Variants in METTL14 observed in about 807,000 individuals in gnomAD.
METTL14 encodes the protein N(6)-adenosine-methyltransferase non-catalytic subunit METTL14.
Under a neutral mutation model 62.4 loss-of-function variants are expected in METTL14, and 32 were observed. That is an observed-to-expected ratio of 0.51 (90% CI 0.39 to 0.69). The LOEUF (loss-of-function observed/expected upper bound fraction) is 0.69. Ranked by LOEUF, METTL14 falls within the 30% of genes least tolerant of loss-of-function variation. METTL14 has a pLI of 0.00. For missense variants in METTL14, 340 were observed against 551.9 expected (o/e 0.62, Z 3.85); for synonymous variants, 150 against 180.0 (o/e 0.83, Z 1.34).
intron 7 of METTL14, among the ~76,000 whole-genome samples, chr4:118,699,359 CTG>C (rs1212508076): frequency 1.3e-5 from 2 of 152,082 alleles, no homozygotes; most frequent in South Asian, 2.1e-4. Context: ...AAAGTGTTAT[CTG>C]TGTTTATTGT....
At chr4:118,706,014 C>G (rs1319723128) in intron 10 of METTL14, among the ~76,000 whole-genome samples, 193 bp downstream of exon 10, 3 of 152,132 alleles carry the variant, frequency 2.0e-5, no homozygotes, top group Admixed American at 1.3e-4. Flanking sequence ...ACCTGCTGCC[C>G]CCACACATGC....
At chr4:118,688,137 T>A in intron 2 of METTL14, 126 bp downstream of exon 2, 1 of 723,808 alleles carries the variant, frequency 1.4e-6, no homozygotes, top group Non-Finnish European at 2.3e-6. Flanking sequence ...TGGGCTCAAG[T>A]GGTACACCTG....
At chr4:118,699,538 A>G (rs991707658) in intron 7 of METTL14, among the ~76,000 whole-genome samples, 1 of 152,158 alleles carries the variant, frequency 6.6e-6, no homozygotes, top group East Asian at 1.9e-4. Flanking sequence ...TTAAAGTTGA[A>G]TATTAATATT....
In METTL14 at chr4:118,686,541, G is replaced by A. The variant is rs1724066166; in HGVS notation, c.66+941G>A. On this transcript the variant is annotated intron_variant, in intron 1 of 10. Transcript: ENST00000388822. ...CTGAAACCTATCCTCTTTATGGTCT[G>A]ATGAACAGATTTGTGGAATATGGCT... is the stretch of plus-strand genomic sequence containing the variant. 5 of 453,184 alleles carry A rather than the reference G, an allele frequency of 1.1e-5. No individual in the cohort carries two copies. In the Admixed American group the frequency reaches 1.2e-4, roughly 11 times the overall value. The allele number at this position is 453,184 out of a possible 1,614,324, so 28.1% of individuals were successfully genotyped here.
intron 6 of METTL14, among the ~76,000 whole-genome samples, chr4:118,696,580 A>AT (rs1724421063): frequency 6.6e-6 from 1 of 152,198 alleles, no homozygotes; most frequent in East Asian, 1.9e-4. Context: ...ACCCATTTAC[A>AT]TTTAAAGTAT....
intron 10 of METTL14, among the ~76,000 whole-genome samples, chr4:118,708,245 C>T (rs1223205660): frequency 6.6e-6 from 1 of 152,194 alleles, no homozygotes; most frequent in Non-Finnish European, 1.5e-5. Flanking sequence ...AGCCAGTTTA[C>T]TCTGCAAGGA....
chr4:118,707,010 T>A (rs918671725), intron 10 of METTL14, among the ~76,000 whole-genome samples: 1 of 152,178 alleles, frequency 6.6e-6, no homozygotes, highest in African/African-American at 2.4e-5. Flanking sequence ...TTGCAAATAT[T>A]TTCTCTTATT....
At chr4:118,703,889 ATTTC>A in intron 8 of METTL14, 42 bp from the exon 9 acceptor site, 1 of 1,134,008 alleles carries the variant, frequency 8.8e-7, no homozygotes, top group Non-Finnish European at 1.3e-6. Flanking sequence ...AGTATTGTTT[ATTTC>A]TTTAAGTTAA....
At chr4:118,695,618 GA>G (rs1178534845) in intron 6 of METTL14, among the ~76,000 whole-genome samples, 1 of 152,174 alleles carries the variant, frequency 6.6e-6, no homozygotes, top group Non-Finnish European at 1.5e-5. Flanking sequence ...AGGAAGCTTA[GA>G]AAACTTAGAG....
intron 7 of METTL14, among the ~76,000 whole-genome samples, chr4:118,698,488 A>G (rs2110404141): frequency 7.0e-6 from 1 of 141,968 alleles, no homozygotes; most frequent in Admixed American, 6.8e-5. Context: ...TTTTGGAAAA[A>G]GGAGAGCAAT....
chr4:118,705,826 G>T lies in METTL14; in HGVS notation c.1066+5G>T. 1.2e-6 allele frequency: 2 copies of T among 1,606,598 alleles called. No homozygotes were observed. Among genetic ancestry groups the T allele is most frequent in the South Asian group, 2.2e-5 (2 of 90,750 alleles). ...GAGATAGTACAATTCGACCAGGTAG[G>T]ACCTCAGTTAACAACAACTTTTATG... On this transcript the variant is annotated splice_donor_5th_base_variant and intron_variant, in intron 10 of 10. Transcript: ENST00000388822.
intron 7 of METTL14, among the ~76,000 whole-genome samples, chr4:118,698,452 CAA>C (rs70941202): frequency 0.3 from 22,530 of 75,580 alleles, 1,445 homozygotes; most frequent in South Asian, 0.38. Context: ...GACTCTGTCT[CAA>C]AAAAAAAAAA....
At chr4:118,705,021 A>C (rs2110409130) in intron 9 of METTL14, among the ~76,000 whole-genome samples, 1 of 152,206 alleles carries the variant, frequency 6.6e-6, no homozygotes. Context: ...AGAAGTGGAG[A>C]ATTGCTTGGT....
At chr4:118,702,427 G>C (rs1216350318) in intron 8 of METTL14, among the ~76,000 whole-genome samples, 4 of 152,094 alleles carry the variant, frequency 2.6e-5, no homozygotes, top group African/African-American at 9.7e-5. Flanking sequence ...GACACCTGGT[G>C]CAAAATAAAT....
At chr4:118,691,897 C>A in intron 4 of METTL14, 84 bp from the exon 5 acceptor site, 1 of 852,396 alleles carries the variant, frequency 1.2e-6, no homozygotes, top group East Asian at 2.6e-5. Context: ...CATTTTATAT[C>A]ACCTTGTAAT....
At chr4:118,703,126 C>T (rs997094382) in intron 8 of METTL14, among the ~76,000 whole-genome samples, 2 of 152,006 alleles carry the variant, frequency 1.3e-5, no homozygotes, top group East Asian at 1.9e-4. Flanking sequence ...CAACCTGCCT[C>T]TACTATATCT....
chr4:118,709,500 A>G (rs1724857426), intron 10 of METTL14, among the ~76,000 whole-genome samples: 1 of 152,178 alleles, frequency 6.6e-6, no homozygotes, highest in Non-Finnish European at 1.5e-5. Flanking sequence ...AAAGGCTTAA[A>G]TTTGAGGGTG....
Position 118,710,630 on chromosome 4 carries a change from A to G in METTL14, c.*328A>G, listed in dbSNP as rs1724892492. 4.9e-6 allele frequency: 1 copy of G among 204,796 alleles called. No homozygotes were observed. Among genetic ancestry groups the G allele is most frequent in the Non-Finnish European group, 9.8e-6 (1 of 102,230 alleles). The allele number at this position is 204,796 out of a possible 1,614,324, so 12.7% of individuals were successfully genotyped here. On this transcript the variant is annotated 3_prime_UTR_variant, in exon 11 of 11. Coordinates refer to ENST00000388822, the MANE Select transcript of METTL14 (RefSeq NM_020961.4). ...GCTAATTTTTGGGAATAAATAATGGAAAAAGATCCAGTCTGTGGTATCATG... is the reference window on the plus strand; with the variant it reads ...GCTAATTTTTGGGAATAAATAATGGGAAAAGATCCAGTCTGTGGTATCATG...
At chr4:118,687,423 G>A (rs988955955) in intron 1 of METTL14, among the ~76,000 whole-genome samples, 3 of 152,122 alleles carry the variant, frequency 2.0e-5, no homozygotes, top group African/African-American at 7.2e-5. Flanking sequence ...ATTGGCTAAA[G>A]TGTCTTATTT....
Sources: allele counts gnomAD v4.1 joint callset (sites outside exome capture counted in the v4.1 genomes callset), GRCh38; gene constraint gnomAD v4.1.1; transcripts MANE v1.5; gene names NCBI Gene and HGNC (gene_info 2026-07-23, HGNC 2026-07-21).